The following FGF12 variants were observed in gnomAD, a reference collection of about 807,000 sequenced individuals.
FGF12 encodes fibroblast growth factor 12B.
In FGF12, 14 loss-of-function variants were observed where a neutral mutation model predicts 23.6. That is an observed-to-expected ratio of 0.59 (90% confidence interval 0.39 to 0.93). The LOEUF is 0.93. Among genes scored for constraint, FGF12 ranks in the 40% least tolerant of loss-of-function variants. FGF12 has a pLI of 0.00. For synonymous variants in FGF12, 62 were observed against 77.3 expected, an observed-to-expected ratio of 0.80 and a Z score of 1.04; for missense variants, 175 against 217.8, an observed-to-expected ratio of 0.80 and a Z score of 1.24.
intron 2 of FGF12, among the ~76,000 whole-genome samples, chr3:192,461,231 A>G (rs1231324590): frequency 6.6e-6 from 1 of 152,218 alleles, no homozygotes; most frequent in African/African-American, 2.4e-5. Context: ...ATGCTTAAAG[A>G]CATGCCAAAA....
intron 2 of FGF12, among the ~76,000 whole-genome samples, chr3:192,591,705 G>A (rs1713632109): frequency 6.6e-6 from 1 of 151,878 alleles, no homozygotes; most frequent in African/African-American, 2.4e-5. Flanking sequence ...GACAGGAAAG[G>A]GGATGGTATA....
chr3:192,326,367 TAAC>T (rs908415563), intron 4 of FGF12, among the ~76,000 whole-genome samples: 3 of 152,122 alleles, frequency 2.0e-5, no homozygotes, highest in African/African-American at 7.2e-5. Context: ...GAGGAGGGAA[TAAC>T]AACCACTTTC....
chr3:192,530,373 G>A (rs1725056536), intron 2 of FGF12, among the ~76,000 whole-genome samples: 1 of 152,070 alleles, frequency 6.6e-6, no homozygotes, highest in Non-Finnish European at 1.5e-5. Flanking sequence ...TTAATATGGT[G>A]CCTGCCAGAT....
rs942604917 is a variant in FGF12 at position 192,360,626 on chromosome 3, C to T, written c.14-88G>A. 16 of 851,208 alleles carry T rather than the reference C, an allele frequency of 1.9e-5. No homozygotes were observed. Among genetic ancestry groups the T allele is most frequent in the Admixed American group, 1.3e-4 (7 of 52,876 alleles). 52.7% of individuals were successfully genotyped at this position (851,208 alleles called of 1,614,324 possible). On this transcript the variant is annotated intron_variant, in intron 2 of 5. Transcript: ENST00000445105. This position sits in a 1 kb window ranked among gnomAD's most constrained non-coding sequence, Gnocchi z 4.3. Reference sequence around the variant, plus strand: ...GTTAAAAACATCCTGTAAGTAAATACGTAAATGCCAATAGCTTAAATATTG... The same window carrying T: ...GTTAAAAACATCCTGTAAGTAAATATGTAAATGCCAATAGCTTAAATATTG...
At chr3:192,224,965 A>C (rs886406121) in intron 4 of FGF12, among the ~76,000 whole-genome samples, 9 of 152,108 alleles carry the variant, frequency 5.9e-5, no homozygotes, top group African/African-American at 2.2e-4. Flanking sequence ...GACGTAATAC[A>C]TGTGAGAGAG....
intron 4 of FGF12, chr3:192,267,025 G>A (rs926473866): frequency 6.6e-6 from 1 of 152,148 alleles, no homozygotes; most frequent in Non-Finnish European, 1.5e-5. Flanking sequence ...TGAGGAATCA[G>A]ATGTTTCATG....
chr3:192,587,899 C>T (rs1266106576), intron 2 of FGF12, among the ~76,000 whole-genome samples: 1 of 151,854 alleles, frequency 6.6e-6, no homozygotes, highest in Non-Finnish European at 1.5e-5. Context: ...TGGGCACCAC[C>T]TTCTTAAAAC....
chr3:192,348,414 G>A (rs1039105571), intron 3 of FGF12, among the ~76,000 whole-genome samples: 5 of 152,040 alleles, frequency 3.3e-5, no homozygotes, highest in African/African-American at 1.2e-4. Flanking sequence ...ATATGAAATA[G>A]GCAACCAGGT....
At chr3:192,490,145 G>T (rs1010397861) in intron 2 of FGF12, among the ~76,000 whole-genome samples, 14 of 151,784 alleles carry the variant, frequency 9.2e-5, no homozygotes, top group African/African-American at 2.9e-4. Context: ...AGTAGCTCAG[G>T]ACTTCTAAAG....
At position 192,362,748 on chromosome 3, in the gene FGF12, A is replaced by G. The variant is rs138614904; in HGVS notation, c.14-2210T>C. On this transcript the variant is annotated intron_variant, in intron 2 of 5. Coordinates refer to ENST00000445105, the MANE Select transcript of FGF12 (RefSeq NM_004113.6). ...ACAAACTAGAAAACCCATAAAATATACATCCTAATTAAAGTCTAATGTTTC... is the reference window on the plus strand; with the variant it reads ...ACAAACTAGAAAACCCATAAAATATGCATCCTAATTAAAGTCTAATGTTTC... Among the ~76,000 whole-genome samples the G allele has an allele frequency of 3.6e-3, 550 of 152,324 alleles. 6 individuals carry two copies. Among genetic ancestry groups the G allele is most frequent in the African/African-American group, 0.012 (499 of 41,568 alleles).
chr3:192,181,297 C>T (rs1356303480), intron 4 of FGF12, among the ~76,000 whole-genome samples: 2 of 151,916 alleles, frequency 1.3e-5, no homozygotes, highest in African/African-American at 4.8e-5. Flanking sequence ...TAAGTGAGCA[C>T]GTCCTCATCC....
rs569984584 is a variant in FGF12 at position 192,642,390 on chromosome 3, C to T, written c.13+84791G>A. Among the ~76,000 whole-genome samples, 5 of 152,226 alleles carry T rather than the reference C, an allele frequency of 3.3e-5. No individual in the cohort carries two copies. The South Asian group carries it at 1.0e-3, about 32-fold the overall frequency. On this transcript the variant is annotated intron_variant, in intron 2 of 5. Transcript: ENST00000445105. ...AAGTGCTCCTAAGAGAACAGCACTC[C>T]ACTTGAAAGATACAAGATAATCACA...
chr3:192,266,985 TTGGTTATC>T (rs1469394589), intron 4 of FGF12: 1 of 152,168 alleles, frequency 6.6e-6, no homozygotes, highest in Non-Finnish European at 1.5e-5. Context: ...TCTCTTCTCA[TTGGTTATC>T]TGCTTCAAGG....
At chr3:192,459,609 G>A (rs1478438878) in intron 2 of FGF12, among the ~76,000 whole-genome samples, 1 of 152,130 alleles carries the variant, frequency 6.6e-6, no homozygotes, top group African/African-American at 2.4e-5. Flanking sequence ...CATTCTGCAT[G>A]AGCCTTGTCT....
chr3:192,437,716 AAAC>A (rs199825464), intron 2 of FGF12, among the ~76,000 whole-genome samples: 10,360 of 149,656 alleles, frequency 0.069, 466 homozygotes, highest in African/African-American at 0.13. Flanking sequence ...CAAAACAAAC[AAAC>A]AAAAAAAAAA....
chr3:192,461,694 A>G (rs1187964460), intron 2 of FGF12, among the ~76,000 whole-genome samples: 3 of 152,114 alleles, frequency 2.0e-5, no homozygotes, highest in Non-Finnish European at 4.4e-5. Context: ...TTTTTTAAAA[A>G]TCATTATTAC....
At chr3:192,236,357 C>T (rs997880041) in intron 4 of FGF12, among the ~76,000 whole-genome samples, 1 of 152,094 alleles carries the variant, frequency 6.6e-6, no homozygotes, top group Non-Finnish European at 1.5e-5. Flanking sequence ...ACAGTATTCT[C>T]TAGATGTCTC....
intron 2 of FGF12, among the ~76,000 whole-genome samples, chr3:192,536,863 A>C (rs1725236619): frequency 1.3e-5 from 2 of 152,064 alleles, no homozygotes; most frequent in African/African-American, 4.8e-5. Context: ...TGTTAACTTT[A>C]GTCTCCCCAT....
chr3:192,296,272 G>A (rs145464042), intron 4 of FGF12, among the ~76,000 whole-genome samples: 4,944 of 147,714 alleles, frequency 0.033, 268 homozygotes, highest in African/African-American at 0.12. Flanking sequence ...CACCCAGGCT[G>A]GAGTGCAGTG....
Sources: gnomAD v4.1 joint callset for allele counts (sites outside exome capture counted in the v4.1 genomes callset) on GRCh38, gnomAD v4.1.1 for gene constraint, Gnocchi (gnomAD v3.1) non-coding constraint, MANE v1.5 for transcripts, NCBI Gene and HGNC (gene_info 2026-07-23, HGNC 2026-07-21) for gene names.